SETD2: variants seen among roughly 807,000 people sequenced by gnomAD.
SETD2 encodes histone-lysine N-methyltransferase SETD2.
A neutral mutation model predicts 242.1 loss-of-function variants in SETD2; 31 were observed. That is an observed-to-expected ratio of 0.13 (90% CI 0.10 to 0.17). SETD2 has a LOEUF of 0.17. Ranked by LOEUF, SETD2 falls within the 10% of genes least tolerant of loss-of-function variation. The pLI is 1.00. For synonymous variants in SETD2, 1,006 were observed against 1,066.5 expected, an observed-to-expected ratio of 0.94 and a Z score of 1.11; for missense variants, 2,481 against 3,046.3, an observed-to-expected ratio of 0.81 and a Z score of 4.37.
At chr3:47,067,924 A>G (rs1478554815) in intron 12 of SETD2, among the ~76,000 whole-genome samples, 1 of 152,248 alleles carries the variant, frequency 6.6e-6, no homozygotes, top group Non-Finnish European at 1.5e-5. Context: ...AATAAAAAAT[A>G]TAAAGGATAA....
rs2107539732 is a variant in SETD2 at position 47,042,634 on chromosome 3, T to A, written c.7165A>T (p.Ile2389Phe). 1 of 1,613,436 alleles carries A rather than the reference T, an allele frequency of 6.2e-7. No individual in the cohort carries two copies. The highest frequency in any genetic ancestry group is 8.5e-7 in the Non-Finnish European group (1 of 1,179,776). Residue 2389 changes from isoleucine (I) to phenylalanine (F), a missense_variant, in exon 17 of 21, where the codon ATT becomes TTT. This residue lies in a region of SETD2 where 235 missense variants were observed against 293.9 expected (regional missense o/e 0.80). Coordinates refer to ENST00000409792, the MANE Select transcript of SETD2 (RefSeq NM_014159.7). ...GTCTTCCAGTTGGGAGGTAAGACAA[T>A]GGTTTTTGGTTTGGGAGGAGAGGGG... is the stretch of plus-strand genomic sequence containing the variant. ...PPPSPPKPKT[I>F]VLPPNWKTAR...
chr3:47,019,916 T>C (rs140158563), intron 18 of SETD2, 76 bp from the exon 19 acceptor site: 2 of 1,224,684 alleles, frequency 1.6e-6, no homozygotes, highest in African/African-American at 3.0e-5. Context: ...CCCAGAACCC[T>C]CCTTTCTTTC....
chr3:47,078,620 C>T (rs775800215), intron 12 of SETD2, among the ~76,000 whole-genome samples: 6 of 143,560 alleles, frequency 4.2e-5, no homozygotes, highest in Non-Finnish European at 7.5e-5. Context: ...TATTTTATCA[C>T]TGTGATTTGC....
At chr3:47,129,150 A>C (rs1195802289) in intron 1 of SETD2, among the ~76,000 whole-genome samples, 1 of 152,226 alleles carries the variant, frequency 6.6e-6, no homozygotes, top group Non-Finnish European at 1.5e-5. Context: ...ATTGTTTGAC[A>C]GAAATGACAA....
At chr3:47,152,864 T>A (rs2044024897) in intron 1 of SETD2, among the ~76,000 whole-genome samples, 1 of 152,210 alleles carries the variant, frequency 6.6e-6, no homozygotes, top group African/African-American at 2.4e-5. Flanking sequence ...AACACCCACA[T>A]CATCCCAAGG....
At chr3:47,157,647 G>A (rs1322592539) in intron 1 of SETD2, 2 of 426,222 alleles carry the variant, frequency 4.7e-6, no homozygotes, top group African/African-American at 2.1e-5. Context: ...GCCCAGGTGG[G>A]TGGATCACCT....
rs147110790 is a variant in SETD2 at position 47,039,509 on chromosome 3, G to A, written c.7239-1732C>T. On this transcript the variant is annotated intron_variant, in intron 17 of 20. Transcript: ENST00000409792. ...ACTACAGGCGTAAGCCACCATGTCC[G>A]GCCCAAACTTTTTTTATTTTTGGAA... Among the ~76,000 whole-genome samples the A allele has an allele frequency of 6.7e-3, 1,020 of 151,950 alleles. 9 individuals carry two copies. Among genetic ancestry groups the A allele is most frequent in the Non-Finnish European group, 0.011 (719 of 67,952 alleles).
At chr3:47,119,073 T>C (rs1226244723) in intron 3 of SETD2, among the ~76,000 whole-genome samples, 1 of 152,192 alleles carries the variant, frequency 6.6e-6, no homozygotes, top group Non-Finnish European at 1.5e-5. Flanking sequence ...TTTAATAACA[T>C]TTTGATCCTT....
chr3:47,065,338 T>C (rs528872690), intron 13 of SETD2, among the ~76,000 whole-genome samples: 1 of 151,272 alleles, frequency 6.6e-6, no homozygotes, highest in East Asian at 1.9e-4. Flanking sequence ...ACTAAGATTA[T>C]ATAAAAAGTT....
At chr3:47,055,901 T>A (rs901194318) in intron 15 of SETD2, among the ~76,000 whole-genome samples, 1 of 148,350 alleles carries the variant, frequency 6.7e-6, no homozygotes, top group Non-Finnish European at 1.5e-5. Flanking sequence ...TAGTCCAAGC[T>A]ACTCGGGAGC....
In SETD2 at chr3:47,116,597, A is replaced by G. The variant is rs189308064; in HGVS notation, c.4586+26T>C. The G allele has an allele frequency of 3.4e-5, 54 of 1,593,758 alleles. No homozygotes were observed. The East Asian group carries it at 8.3e-4, about 24-fold the overall frequency. On this transcript the variant is annotated intron_variant, in intron 4 of 20. Transcript: ENST00000409792. Reference sequence around the variant, plus strand: ...AGACATTTAATAGAAGTGTTGAGCAAAAGCCGAGTATTCTAATTTACTTAC... The same window carrying G: ...AGACATTTAATAGAAGTGTTGAGCAGAAGCCGAGTATTCTAATTTACTTAC...
intron 14 of SETD2, among the ~76,000 whole-genome samples, chr3:47,058,782 C>T (rs1377497828): frequency 6.6e-6 from 1 of 151,310 alleles, no homozygotes; most frequent in South Asian, 2.1e-4. Flanking sequence ...GGACTGACTA[C>T]AAAGGGGCAC....
chr3:47,113,696 G>A (rs949813212), intron 5 of SETD2, among the ~76,000 whole-genome samples, 180 bp downstream of exon 5: 1 of 152,068 alleles, frequency 6.6e-6, no homozygotes, highest in African/African-American at 2.4e-5. Context: ...AAAATTAGCT[G>A]GGCATGGTGG....
intron 1 of SETD2, among the ~76,000 whole-genome samples, chr3:47,159,255 C>G (rs759059182): frequency 4.6e-5 from 7 of 152,200 alleles, no homozygotes; most frequent in Non-Finnish European, 7.3e-5. Context: ...CCCTGAACTT[C>G]AGACTTGGTT....
intron 14 of SETD2, among the ~76,000 whole-genome samples, chr3:47,059,892 T>C (rs1490950668): frequency 6.6e-6 from 1 of 152,138 alleles, no homozygotes; most frequent in Non-Finnish European, 1.5e-5. Context: ...CAAGTGATTC[T>C]CATGCCTCAG....
intron 3 of SETD2, among the ~76,000 whole-genome samples, chr3:47,118,984 T>C (rs536758131): frequency 2.6e-5 from 4 of 152,186 alleles, no homozygotes; most frequent in East Asian, 3.8e-4. Flanking sequence ...TAAAAGGTTA[T>C]TTTGTAATAG....
At position 47,122,373 on chromosome 3, in the gene SETD2, G is replaced by C. The variant is rs1336807817; in HGVS notation, c.2263C>G (p.Pro755Ala). The change falls in exon 3 of 21, where the codon CCA (proline) becomes GCA (alanine). Residue 755 changes from proline (P) to alanine (A), a missense_variant. Coordinates refer to ENST00000409792, the MANE Select transcript of SETD2 (RefSeq NM_014159.7). Reference sequence around the variant, plus strand: ...ATAGACATGAGTTTATCTTGGTGTGGTGACACCAGAGGTTCTGTTTCTCTA... The same window carrying C: ...ATAGACATGAGTTTATCTTGGTGTGCTGACACCAGAGGTTCTGTTTCTCTA... ...PFRETEPLVS[P>A]HQDKLMSMPV... is the part of the protein sequence containing the mutation. The C allele has an allele frequency of 6.2e-7, 1 of 1,613,698 alleles. No homozygotes were observed. The highest frequency in any genetic ancestry group is 8.5e-7 in the Non-Finnish European group (1 of 1,179,632).
chr3:47,035,627 G>A (rs1214387092), intron 18 of SETD2, among the ~76,000 whole-genome samples: 3 of 152,108 alleles, frequency 2.0e-5, no homozygotes, highest in Non-Finnish European at 1.5e-5. Flanking sequence ...AATTTAATAT[G>A]CATATACTAG....
At chr3:47,102,963 G>A (rs971122807) in intron 7 of SETD2, among the ~76,000 whole-genome samples, 1 of 152,036 alleles carries the variant, frequency 6.6e-6, no homozygotes, top group Non-Finnish European at 1.5e-5. Context: ...AATAATTATG[G>A]GCAAGGAAGG....
Sources: gnomAD v4.1 joint callset for allele counts (sites outside exome capture counted in the v4.1 genomes callset) on GRCh38, gnomAD v4.1.1 for gene constraint, gnomAD v4.1.1 regional missense constraint, MANE v1.5 for transcripts, NCBI Gene and HGNC (gene_info 2026-07-23, HGNC 2026-07-21) for gene names.